Variants in SLCO5A1 observed in about 807,000 individuals in gnomAD.
SLCO5A1 encodes the protein organic anion transporter polypeptide-related protein 4.
SLCO5A1 carries 39 observed loss-of-function variants against 65.1 expected under a neutral mutation model. The ratio of observed to expected loss-of-function variants is 0.60; its 90% CI spans 0.46 to 0.78. The LOEUF (loss-of-function observed/expected upper bound fraction) is 0.78. Among genes scored for constraint, SLCO5A1 ranks in the 30% least tolerant of loss-of-function variants. SLCO5A1 has a pLI of 0.00. For missense variants in SLCO5A1, 1,029 were observed against 1,069.4 expected, an observed-to-expected ratio of 0.96 and a Z score of 0.53; for synonymous variants, 438 against 415.7, an observed-to-expected ratio of 1.05 and a Z score of -0.65.
At chr8:69,785,627 A>G (rs2130887665) in intron 2 of SLCO5A1, among the ~76,000 whole-genome samples, 1 of 152,338 alleles carries the variant, frequency 6.6e-6, no homozygotes, top group South Asian at 2.1e-4. Context: ...TTGAAATAGT[A>G]AGAAATGTAC....
chr8:69,776,950 C>A (rs1001003099), intron 2 of SLCO5A1, among the ~76,000 whole-genome samples: 1 of 152,194 alleles, frequency 6.6e-6, no homozygotes, highest in African/African-American at 2.4e-5. Flanking sequence ...AACTGTCATA[C>A]CCTGCTAGTG....
intron 6 of SLCO5A1, chr8:69,700,232 G>C (rs2130806028): frequency 6.6e-6 from 1 of 152,354 alleles, no homozygotes; most frequent in East Asian, 1.9e-4. Context: ...GAGGATATGA[G>C]AGTAATTTGG....
intron 2 of SLCO5A1, among the ~76,000 whole-genome samples, chr8:69,824,771 A>G (rs1424649257): frequency 6.6e-6 from 1 of 152,248 alleles, no homozygotes; most frequent in Non-Finnish European, 1.5e-5. Flanking sequence ...TCCCTAACTC[A>G]TTTTATGAGA....
At chr8:69,778,340 A>C (rs1248358779) in intron 2 of SLCO5A1, among the ~76,000 whole-genome samples, 2 of 152,050 alleles carry the variant, frequency 1.3e-5, no homozygotes, top group Non-Finnish European at 2.9e-5. Flanking sequence ...CTCAGGAATA[A>C]AAGGAAGGAC....
At chr8:69,806,207 A>G (rs1161270591) in intron 2 of SLCO5A1, among the ~76,000 whole-genome samples, 1 of 152,154 alleles carries the variant, frequency 6.6e-6, no homozygotes, top group Non-Finnish European at 1.5e-5. Flanking sequence ...CACATTACAC[A>G]TTACAGTTCT....
chr8:69,695,790 TG>T lies in SLCO5A1; in HGVS notation c.1622+9240del, dbSNP rs556010201. 4.6e-5 allele frequency among the ~76,000 whole-genome samples: 7 copies of T among 152,310 alleles called. 1 individual carries two copies. In the South Asian group the frequency reaches 1.5e-3, roughly 32 times the overall value. ...GTACTTGCCTTTGAAAACAATACTG[TG>T]TTAGACAGATGAGTTTGAGGGGATG... On this transcript the variant is annotated intron_variant, in intron 6 of 9. Transcript: ENST00000260126.
rs546991037 is a variant in SLCO5A1, at chr8:69,676,937, G to C, written c.2025-264C>G. ...TACTGGTAGAGGGTTAAAGGCTTTT[G>C]GCTGAAGAAGCTGGAATGCCTCTAA... On this transcript the variant is annotated intron_variant, in intron 8 of 9. Transcript: ENST00000260126. Among the ~76,000 whole-genome samples the C allele has an allele frequency of 5.3e-5, 8 of 152,280 alleles. No homozygotes were observed. In the South Asian group the frequency reaches 1.7e-3, roughly 32 times the overall value.
intron 2 of SLCO5A1, among the ~76,000 whole-genome samples, chr8:69,777,657 T>C (rs1014912886): frequency 6.6e-6 from 1 of 152,232 alleles, no homozygotes; most frequent in Non-Finnish European, 1.5e-5. Flanking sequence ...TTGCATGCTG[T>C]TCTGAGTAGC....
Position 69,738,152 on chromosome 8 carries a change from C to G in SLCO5A1, c.1311G>C (p.Val437=), listed in dbSNP as rs1816640647. The G allele has an allele frequency of 6.2e-7, 1 of 1,613,314 alleles. No individual in the cohort carries two copies. Among genetic ancestry groups the G allele is most frequent in the African/African-American group, 1.3e-5 (1 of 74,872 alleles). The change falls in exon 5 of 10, where the codon GTG becomes GTC. Residue 437 remains valine, a synonymous_variant. Coordinates refer to ENST00000260126, the MANE Select transcript of SLCO5A1 (RefSeq NM_030958.3). Reference sequence around the variant, plus strand: ...CACTCTCAGCTGTGTATGACAAACTCACAAAAAGGAATGTCATGTTGCTTA... The same window carrying G: ...CACTCTCAGCTGTGTATGACAAACTGACAAAAAGGAATGTCATGTTGCTTA... The part of the protein sequence containing the change: ...RILSNMTFLF[V]SLSYTAESAI...
In SLCO5A1 at chr8:69,669,748, G is replaced by C. The variant is rs1430961627; in HGVS notation, c.*3121C>G. 6.6e-6 allele frequency: 1 copy of C among 151,792 alleles called. No homozygotes were observed. The highest frequency in any genetic ancestry group is 3.2e-3 in the Middle Eastern group (1 of 314). 9.4% of individuals were successfully genotyped at this position (151,792 alleles called of 1,614,324 possible). ...GGAGAATCACTTGAACCCAGGAAGC[G>C]GAGGTTGCAGTGAGCTGAGATTAAG... On this transcript the variant is annotated 3_prime_UTR_variant, in exon 10 of 10. Coordinates refer to ENST00000260126, the MANE Select transcript of SLCO5A1 (RefSeq NM_030958.3).
intron 2 of SLCO5A1, among the ~76,000 whole-genome samples, chr8:69,815,961 C>T (rs945558802): frequency 2.0e-5 from 3 of 152,170 alleles, no homozygotes; most frequent in Non-Finnish European, 2.9e-5. Flanking sequence ...TTAATTTCTA[C>T]TTCCTATCCC....
At chr8:69,824,677 C>G (rs1444385567) in intron 2 of SLCO5A1, among the ~76,000 whole-genome samples, 3 of 152,192 alleles carry the variant, frequency 2.0e-5, no homozygotes, top group Non-Finnish European at 4.4e-5. Flanking sequence ...GATGGATTCA[C>G]AGCCAAATTC....
chr8:69,770,238 CT>C (rs2130872627), intron 2 of SLCO5A1, among the ~76,000 whole-genome samples: 1 of 152,220 alleles, frequency 6.6e-6, no homozygotes, highest in Admixed American at 6.5e-5. Context: ...AAATATCTAG[CT>C]GAGATTATTG....
chr8:69,705,607 A>T (rs1008159959), intron 5 of SLCO5A1, among the ~76,000 whole-genome samples: 2 of 152,236 alleles, frequency 1.3e-5, no homozygotes, highest in African/African-American at 2.4e-5. Context: ...AGAAATGATA[A>T]ATACTCAGGT....
intron 2 of SLCO5A1, among the ~76,000 whole-genome samples, chr8:69,812,002 C>A (rs141196068): frequency 6.6e-6 from 1 of 152,264 alleles, no homozygotes; most frequent in African/African-American, 2.4e-5. Context: ...TTAGAAGAAA[C>A]CAGAGTATAG....
At chr8:69,767,755 C>A (rs561752073) in intron 2 of SLCO5A1, among the ~76,000 whole-genome samples, 16 of 151,232 alleles carry the variant, frequency 1.1e-4, no homozygotes, top group East Asian at 1.9e-4. Flanking sequence ...TCAGGCATGG[C>A]GGCAGGCACC....
intron 4 of SLCO5A1, among the ~76,000 whole-genome samples, chr8:69,744,833 A>G (rs751748163): frequency 4.6e-5 from 7 of 152,254 alleles, no homozygotes; most frequent in Non-Finnish European, 1.0e-4. Context: ...AGCATAAGTC[A>G]TAAGATGAAA....
chr8:69,820,903 T>G (rs1306833064), intron 2 of SLCO5A1, among the ~76,000 whole-genome samples: 1 of 152,086 alleles, frequency 6.6e-6, no homozygotes, highest in African/African-American at 2.4e-5. Flanking sequence ...ACAAATGTAG[T>G]AATCCCCAGG....
chr8:69,774,301 A>G (rs2130876736), intron 2 of SLCO5A1, among the ~76,000 whole-genome samples: 1 of 152,088 alleles, frequency 6.6e-6, no homozygotes, highest in African/African-American at 2.4e-5. Context: ...CGCCAATCCC[A>G]CCCCAATAGA....
Sources: allele counts gnomAD v4.1 joint callset (sites outside exome capture counted in the v4.1 genomes callset), GRCh38; gene constraint gnomAD v4.1.1; transcripts MANE v1.5; gene names NCBI Gene and HGNC (gene_info 2026-07-23, HGNC 2026-07-21).